Variants in ERC2 observed in about 807,000 individuals in gnomAD.
ERC2 encodes the protein ERC protein 2.
ERC2 carries 42 observed loss-of-function variants against 114.8 expected under a neutral mutation model. The ratio of observed to expected loss-of-function variants is 0.37; its 90% CI spans 0.29 to 0.47. The LOEUF (loss-of-function observed/expected upper bound fraction) is 0.47, where lower values mean the gene tolerates loss of function less well. Among genes scored for constraint, ERC2 ranks in the 20% least tolerant of loss-of-function variants. ERC2 has a pLI of 0.99. For synonymous variants in ERC2, 454 were observed against 425.5 expected (o/e 1.07, Z -0.82); for missense variants, 939 against 1,150.7 (o/e 0.82, Z 2.66).
At chr3:56,176,470 T>G (rs1330195427) in intron 3 of ERC2, among the ~76,000 whole-genome samples, 3 of 152,206 alleles carry the variant, frequency 2.0e-5, no homozygotes, top group African/African-American at 7.2e-5. Context: ...GAGTTCTCTT[T>G]GCTATAATTA....
chr3:55,665,453 G>A (rs1425511063), intron 17 of ERC2, among the ~76,000 whole-genome samples: 3 of 152,130 alleles, frequency 2.0e-5, no homozygotes, highest in African/African-American at 7.2e-5. Flanking sequence ...GTTAAGATGA[G>A]GTCATCTTGG....
intron 6 of ERC2, among the ~76,000 whole-genome samples, chr3:56,131,255 G>A (rs184758403): frequency 5.3e-5 from 8 of 152,112 alleles, no homozygotes; most frequent in Admixed American, 1.3e-4. Context: ...AGCCTTTCCC[G>A]TCAAATAAAA....
At chr3:55,589,606 G>A (rs996283681) in intron 17 of ERC2, among the ~76,000 whole-genome samples, 3 of 152,120 alleles carry the variant, frequency 2.0e-5, no homozygotes, top group African/African-American at 7.2e-5. Flanking sequence ...TCCTTGGGGT[G>A]GCACTGGATT....
At chr3:55,956,113 A>G (rs2067936629) in intron 12 of ERC2, among the ~76,000 whole-genome samples, 1 of 152,250 alleles carries the variant, frequency 6.6e-6, no homozygotes, top group African/African-American at 2.4e-5. Flanking sequence ...TATTGTGCAC[A>G]CATATTTAGT....
At chr3:56,330,701 C>T (rs1253800231) in intron 2 of ERC2, among the ~76,000 whole-genome samples, 3 of 152,098 alleles carry the variant, frequency 2.0e-5, no homozygotes, top group African/African-American at 4.8e-5. Flanking sequence ...CACAATGGAG[C>T]ATTTTGGATT....
chr3:56,023,969 G>A (rs78914791), intron 7 of ERC2, among the ~76,000 whole-genome samples: 6,441 of 152,196 alleles, frequency 0.042, 242 homozygotes, highest in Admixed American at 0.1. Context: ...AACATACTTA[G>A]GCATCGTTAC....
Position 56,434,796 on chromosome 3 carries a change from G to A in ERC2, c.212C>T (p.Ala71Val), listed in dbSNP as rs1344388402. 1.9e-6 allele frequency: 3 copies of A among 1,613,948 alleles called. No homozygotes were observed. Among genetic ancestry groups the A allele is most frequent in the Non-Finnish European group, 2.5e-6 (3 of 1,179,896 alleles). ...PMYLSDHEGV[A>V]STTYPKGTMT... The stretch of plus-strand genomic sequence containing the variant: ...AGTGCCCTTTGGGTAGGTTGTTGAA[G>A]CCACCCCTTCATGATCACTCAGATA... The change falls in exon 2 of 18, where the codon GCT becomes GTT. Residue 71 changes from alanine to valine, a missense_variant. By Grantham distance (64) the Ala-to-Val change is moderately conservative. Transcript: ENST00000288221.
At chr3:55,938,984 G>A (rs1371675514) in intron 13 of ERC2, among the ~76,000 whole-genome samples, 3 of 152,170 alleles carry the variant, frequency 2.0e-5, no homozygotes, top group Admixed American at 6.5e-5. Flanking sequence ...TTGGAGTATA[G>A]CATAATGTGA....
chr3:55,886,655 C>T (rs144688754), intron 14 of ERC2, among the ~76,000 whole-genome samples: 1 of 152,224 alleles, frequency 6.6e-6, no homozygotes, highest in African/African-American at 2.4e-5. Flanking sequence ...TAAGTGTTTA[C>T]ACATATATTG....
Position 55,987,532 on chromosome 3 carries a change from G to A in ERC2, c.2256-1544C>T, listed in dbSNP as rs534108905. On this transcript the variant is annotated intron_variant, in intron 11 of 17. Coordinates refer to ENST00000288221, the MANE Select transcript of ERC2 (RefSeq NM_015576.3). Reference sequence around the variant, plus strand: ...TAACAAATGTAAGTGAAAATTACTCGGCAAGAAACATTTATATCAAAACAA... The same window carrying A: ...TAACAAATGTAAGTGAAAATTACTCAGCAAGAAACATTTATATCAAAACAA... Among the ~76,000 whole-genome samples, 8 of 152,146 alleles carry A rather than the reference G, an allele frequency of 5.3e-5. No homozygotes were observed. In the South Asian group the frequency reaches 1.2e-3, roughly 24 times the overall value.
chr3:55,761,800 C>T (rs1429042858), intron 14 of ERC2, among the ~76,000 whole-genome samples: 1 of 150,000 alleles, frequency 6.7e-6, no homozygotes, highest in East Asian at 2.0e-4. Flanking sequence ...GGCATGAACC[C>T]GAGAGTTGGA....
chr3:56,220,803 G>T (rs2150148559), intron 3 of ERC2, among the ~76,000 whole-genome samples: 1 of 152,296 alleles, frequency 6.6e-6, no homozygotes, highest in African/African-American at 2.4e-5. Flanking sequence ...TACACATCTG[G>T]TATTTCCTAG....
rs1270523469 is a variant in ERC2 at position 56,073,719 on chromosome 3, T to C, written c.1641+7098A>G. ...GATCTCCCAACTCAAGAGTTCACCT[T>C]CGTCTAGTCCAGGAAAGCTGCTTAC... On this transcript the variant is annotated intron_variant, in intron 7 of 17. Transcript: ENST00000288221. Among the ~76,000 whole-genome samples, 3 of 152,278 alleles carry C rather than the reference T, an allele frequency of 2.0e-5. No individual in the cohort carries two copies. In the East Asian group the frequency reaches 5.8e-4, roughly 29 times the overall value.
chr3:56,095,842 C>T (rs1037486524), intron 6 of ERC2, among the ~76,000 whole-genome samples: 5 of 152,114 alleles, frequency 3.3e-5, no homozygotes, highest in African/African-American at 9.7e-5. Context: ...AAGAATTATC[C>T]ATGGTGGTAC....
chr3:55,931,452 G>A (rs1450982059), intron 13 of ERC2, among the ~76,000 whole-genome samples: 1 of 152,132 alleles, frequency 6.6e-6, no homozygotes, highest in Admixed American at 6.5e-5. Context: ...GTCCTTTTCA[G>A]GGACATGGAT....
At chr3:55,519,427 G>C (rs144046244) in intron 17 of ERC2, among the ~76,000 whole-genome samples, 36 of 152,240 alleles carry the variant, frequency 2.4e-4, no homozygotes, top group African/African-American at 8.4e-4. Flanking sequence ...CATTGATGCT[G>C]GCTAAAAATC....
intron 1 of ERC2, among the ~76,000 whole-genome samples, chr3:56,449,891 TC>T (rs2062754050): frequency 6.6e-6 from 1 of 152,208 alleles, no homozygotes; most frequent in Admixed American, 6.5e-5. Context: ...TTCTCCCAGT[TC>T]ACTAAACTTA....
intron 14 of ERC2, among the ~76,000 whole-genome samples, chr3:55,743,058 C>T (rs1201122949): frequency 2.6e-5 from 4 of 152,210 alleles, no homozygotes; most frequent in African/African-American, 4.8e-5. Context: ...ATGTGGTTTG[C>T]TCCCTGTTGC....
intron 6 of ERC2, among the ~76,000 whole-genome samples, chr3:56,121,542 A>G (rs911817587): frequency 1.3e-5 from 2 of 152,144 alleles, no homozygotes; most frequent in African/African-American, 2.4e-5. Context: ...TAATTTTCAA[A>G]AATACAAATG....
Sources: gnomAD v4.1 joint callset for allele counts (sites outside exome capture counted in the v4.1 genomes callset) on GRCh38, gnomAD v4.1.1 for gene constraint, MANE v1.5 for transcripts, NCBI Gene and HGNC (gene_info 2026-07-23, HGNC 2026-07-21) for gene names.